Variants in RUNX1 observed in about 807,000 individuals in gnomAD.
The protein encoded by RUNX1 is runt-related transcription factor 1.
A neutral mutation model predicts 42.8 loss-of-function variants in RUNX1; 19 were observed. The ratio of observed to expected loss-of-function variants is 0.44; its 90% CI spans 0.31 to 0.65. The LOEUF (loss-of-function observed/expected upper bound fraction) is 0.65. Among genes scored for constraint, RUNX1 ranks in the 30% least tolerant of loss-of-function variants. The pLI is 0.07. For synonymous variants in RUNX1, 271 were observed against 289.4 expected (o/e 0.94, Z 0.64); for missense variants, 528 against 672.0 (o/e 0.79, Z 2.37).
At position 34,911,698 on chromosome 21, in the gene RUNX1, T is replaced by G. The variant is rs367834524; in HGVS notation, c.59-18735A>C. Among the ~76,000 whole-genome samples, 6 of 152,118 alleles carry G rather than the reference T, an allele frequency of 3.9e-5. No individual in the cohort carries two copies. The East Asian group carries it at 9.6e-4, about 24-fold the overall frequency. On this transcript the variant is annotated intron_variant, in intron 2 of 8. Transcript: ENST00000675419. ...GACGGCTTTCCAGGGCACTCAGAAT[T>G]CCAGGCCCTGGAGGAAACCAGCCCA... is the stretch of plus-strand genomic sequence containing the variant.
chr21:34,935,125 A>G (rs2058475642), intron 2 of RUNX1, among the ~76,000 whole-genome samples: 3 of 152,202 alleles, frequency 2.0e-5, no homozygotes, highest in Admixed American at 2.0e-4. Flanking sequence ...GAGCAAATAG[A>G]AATACACTTC....
At chr21:35,033,102 T>A (rs529812400) in intron 2 of RUNX1, among the ~76,000 whole-genome samples, 1 of 150,116 alleles carries the variant, frequency 6.7e-6, no homozygotes. Flanking sequence ...CATCAATTTG[T>A]CCATCTGTCC....
intron 2 of RUNX1, among the ~76,000 whole-genome samples, chr21:35,022,631 A>G (rs1010666361): frequency 1.8e-4 from 28 of 152,190 alleles, no homozygotes; most frequent in African/African-American, 6.5e-4. Flanking sequence ...GCTGTAGCTC[A>G]GGCCTGTAAT....
At chr21:34,939,357 G>A (rs938118508) in intron 2 of RUNX1, among the ~76,000 whole-genome samples, 1 of 152,136 alleles carries the variant, frequency 6.6e-6, no homozygotes, top group South Asian at 2.1e-4. Context: ...GCCAATTGAC[G>A]ATGCAGTCAT....
chr21:34,856,580 A>G, intron 6 of RUNX1: 3 of 389,410 alleles, frequency 7.7e-6, no homozygotes, highest in South Asian at 5.9e-5. Context: ...TTAACGCTTC[A>G]TCATCAACTA....
chr21:35,005,686 G>A (rs530542309), intron 2 of RUNX1, among the ~76,000 whole-genome samples: 3 of 152,232 alleles, frequency 2.0e-5, no homozygotes, highest in East Asian at 1.9e-4. Context: ...CTCAGCACTC[G>A]CCAGCTAGTT....
chr21:34,838,625 A>T (rs536271755), intron 6 of RUNX1, among the ~76,000 whole-genome samples: 1 of 152,326 alleles, frequency 6.6e-6, no homozygotes, highest in East Asian at 1.9e-4. Context: ...ATGAATCTGG[A>T]TATAAAAATA....
intron 2 of RUNX1, among the ~76,000 whole-genome samples, chr21:34,931,387 GTA>G (rs2058445108): frequency 7.0e-6 from 1 of 142,312 alleles, no homozygotes; most frequent in African/African-American, 2.6e-5. Flanking sequence ...ATATATACAT[GTA>G]TATAATATAT....
intron 2 of RUNX1, among the ~76,000 whole-genome samples, chr21:35,040,565 A>G (rs540262217): frequency 2.5e-3 from 373 of 151,912 alleles, no homozygotes; most frequent in Non-Finnish European, 3.9e-3. Context: ...CGAGGTCGGG[A>G]GATCGAAACC....
intron 7 of RUNX1, among the ~76,000 whole-genome samples, chr21:34,832,215 C>T (rs774955237): frequency 6.6e-6 from 1 of 152,148 alleles, no homozygotes; most frequent in Admixed American, 6.5e-5. Flanking sequence ...AAAGAGCTGA[C>T]GAATGCCCAT....
In RUNX1 at chr21:34,843,213, CACACAGATATAAA is replaced by C. The variant is rs1246397921; in HGVS notation, c.614-8625_614-8613del. 6.6e-6 allele frequency among the ~76,000 whole-genome samples: 1 copy of C among 152,014 alleles called. No homozygotes were observed. The highest frequency in any genetic ancestry group is 1.5e-5 in the Non-Finnish European group (1 of 68,008). On this transcript the variant is annotated intron_variant, in intron 6 of 8. Coordinates refer to ENST00000675419, the MANE Select transcript of RUNX1 (RefSeq NM_001754.5). This position sits in a 1 kb window ranked among gnomAD's most constrained non-coding sequence, Gnocchi z 4.8. ...ACACATACACAGACACCTGGACACA[CACACAGATATAAA>C]ACACACATGGGGATACACACATATA...
chr21:34,883,143 C>T lies in RUNX1; in HGVS notation c.352-2430G>A, dbSNP rs368248888. Reference sequence around the variant, plus strand: ...CAAATTCAGGAGACCTTCGCCAAGTCGAAACAAACATAGAATAAAATTATC... The same window carrying T: ...CAAATTCAGGAGACCTTCGCCAAGTTGAAACAAACATAGAATAAAATTATC... On this transcript the variant is annotated intron_variant, in intron 4 of 8. Transcript: ENST00000675419. Among the ~76,000 whole-genome samples, 14 of 152,092 alleles carry T rather than the reference C, an allele frequency of 9.2e-5. 1 individual carries two copies. In the East Asian group the frequency reaches 2.5e-3, roughly 27 times the overall value.
chr21:34,911,898 A>G (rs2058275560), intron 2 of RUNX1, among the ~76,000 whole-genome samples: 1 of 152,036 alleles, frequency 6.6e-6, no homozygotes, highest in Admixed American at 6.5e-5. Context: ...TGGCTGCTCA[A>G]CCGTCATCTA....
intron 2 of RUNX1, among the ~76,000 whole-genome samples, chr21:34,991,068 G>C (rs902956749): frequency 1.3e-5 from 2 of 152,214 alleles, no homozygotes; most frequent in Non-Finnish European, 2.9e-5. Flanking sequence ...CAGGGGGTTA[G>C]AGAATCACTG....
intron 2 of RUNX1, among the ~76,000 whole-genome samples, chr21:34,926,461 C>CAAAAAA (rs1188609077): frequency 1.3e-3 from 9 of 7,148 alleles, no homozygotes; most frequent in African/African-American, 2.3e-3. Context: ...GACCCAGTCT[C>CAAAAAA]AAAAAAAAAA....
intron 4 of RUNX1, 55 bp downstream of exon 4, chr21:34,886,788 C>T: frequency 1.2e-6 from 2 of 1,610,358 alleles, no homozygotes; most frequent in Non-Finnish European, 1.7e-6. Context: ...TCGCGGATCT[C>T]CCCCGGCCTC....
At chr21:34,892,558 T>G (rs1487392977) in intron 3 of RUNX1, among the ~76,000 whole-genome samples, 1 of 152,206 alleles carries the variant, frequency 6.6e-6, no homozygotes, top group Non-Finnish European at 1.5e-5. Context: ...AGTAAACATT[T>G]TACTCTCATA....
chr21:34,897,889 A>T (rs752257459), intron 2 of RUNX1, among the ~76,000 whole-genome samples: 1 of 152,096 alleles, frequency 6.6e-6, no homozygotes, highest in Non-Finnish European at 1.5e-5. Context: ...TTTTTTGCAT[A>T]TGTAATTAAG....
Position 34,790,466 on chromosome 21 carries a change from C to G in RUNX1, c.*1669G>C. ...TGGAGCACACATGTGTCAAAATCAGCAGTTAGTATTTATGAGTTGTACAAC... is the reference window on the plus strand; with the variant it reads ...TGGAGCACACATGTGTCAAAATCAGGAGTTAGTATTTATGAGTTGTACAAC... On this transcript the variant is annotated 3_prime_UTR_variant, in exon 9 of 9. Coordinates refer to ENST00000675419, the MANE Select transcript of RUNX1 (RefSeq NM_001754.5). The G allele has an allele frequency of 4.3e-6, 1 of 233,678 alleles. No individual in the cohort carries two copies. The highest frequency in any genetic ancestry group is 8.5e-6 in the Non-Finnish European group (1 of 118,032). 14.5% of individuals were successfully genotyped at this position (233,678 alleles called of 1,614,324 possible). A position where few individuals can be genotyped will look rare whatever the true frequency, so the allele number is the denominator to read the frequency against.
Sources: gnomAD v4.1 joint callset for allele counts (sites outside exome capture counted in the v4.1 genomes callset) on GRCh38, gnomAD v4.1.1 for gene constraint, Gnocchi (gnomAD v3.1) non-coding constraint, MANE v1.5 for transcripts, NCBI Gene and HGNC (gene_info 2026-07-23, HGNC 2026-07-21) for gene names.